Variants in ABLIM1 observed in about 807,000 individuals in gnomAD.
ABLIM1 encodes actin-binding LIM protein 1.
In ABLIM1, 40 loss-of-function variants were observed where a neutral mutation model predicts 107.0. The ratio of observed to expected loss-of-function variants is 0.37; its 90% CI spans 0.29 to 0.49. ABLIM1 has a LOEUF of 0.49. ABLIM1 is among the 20% of genes least tolerant of loss of function. ABLIM1 has a pLI of 0.97. For synonymous variants in ABLIM1, 357 were observed against 357.3 expected, an observed-to-expected ratio of 1.00 and a Z score of 0.01; for missense variants, 857 against 1,008.5, an observed-to-expected ratio of 0.85 and a Z score of 2.04.
rs754281771 is a variant in ABLIM1 at position 114,445,343 on chromosome 10, C to T, written c.1796G>A (p.Arg599His). The change falls in exon 16 of 23, where the codon CGT becomes CAT. Residue 599 changes from arginine (R) to histidine (H), a missense_variant. Coordinates refer to ENST00000533213, the MANE Select transcript of ABLIM1 (RefSeq NM_002313.7). ...REEDDEELLR[R>H]RQLQEEQLMK... is the part of the protein sequence containing the mutation. ...TAATTGCTCTTCTTGAAGCTGCCGACGTCTCAGAAGTTCCTCATCATCTTC... is the reference window on the plus strand; with the variant it reads ...TAATTGCTCTTCTTGAAGCTGCCGATGTCTCAGAAGTTCCTCATCATCTTC... 19 of 1,614,176 alleles carry T rather than the reference C, an allele frequency of 1.2e-5. No individual in the cohort carries two copies. Among genetic ancestry groups the T allele is most frequent in the Non-Finnish European group, 1.3e-5 (15 of 1,180,018 alleles).
chr10:114,555,641 C>T (rs759844291), intron 4 of ABLIM1, among the ~76,000 whole-genome samples: 1 of 152,126 alleles, frequency 6.6e-6, no homozygotes. Context: ...TAGGGAGAAA[C>T]TTTATGCATC....
At chr10:114,489,112 G>A (rs2058589563) in intron 7 of ABLIM1, among the ~76,000 whole-genome samples, 1 of 152,054 alleles carries the variant, frequency 6.6e-6, no homozygotes, top group Non-Finnish European at 1.5e-5. Context: ...CTGCCTCTCA[G>A]GTTCAAGCGA....
intron 1 of ABLIM1, among the ~76,000 whole-genome samples, chr10:114,679,060 A>C (rs2080620906): frequency 6.6e-6 from 1 of 152,234 alleles, no homozygotes; most frequent in Non-Finnish European, 1.5e-5. Flanking sequence ...TATAGAATAA[A>C]GAAGTGACAG....
At chr10:114,475,196 G>A (rs145029212) in intron 8 of ABLIM1, among the ~76,000 whole-genome samples, 22 of 152,164 alleles carry the variant, frequency 1.4e-4, no homozygotes, top group East Asian at 9.6e-4. Context: ...AGAACACAGC[G>A]CACAAAGCTG....
chr10:114,543,142 A>G (rs180887594), intron 6 of ABLIM1, among the ~76,000 whole-genome samples: 1 of 152,276 alleles, frequency 6.6e-6, no homozygotes, highest in East Asian at 1.9e-4. Context: ...CTTCCCAGCC[A>G]TTTAAAAAAC....
intron 6 of ABLIM1, among the ~76,000 whole-genome samples, chr10:114,524,642 G>C (rs2064349549): frequency 6.6e-6 from 1 of 152,070 alleles, no homozygotes; most frequent in Non-Finnish European, 1.5e-5. Context: ...GTAACTATTT[G>C]CTTTATAAAA....
intron 8 of ABLIM1, among the ~76,000 whole-genome samples, chr10:114,478,688 C>T (rs914644317): frequency 6.6e-6 from 1 of 152,170 alleles, no homozygotes; most frequent in African/African-American, 2.4e-5. Context: ...TCAATTAAAC[C>T]TCTTTTCTTT....
chr10:114,610,666 C>G (rs1022455538), intron 1 of ABLIM1: 27 of 152,358 alleles, frequency 1.8e-4, no homozygotes, highest in African/African-American at 6.5e-4. Context: ...GTGGCAGCTA[C>G]TTGAAGCTAC....
Position 114,524,159 on chromosome 10 carries a change from A to G in ABLIM1, c.894+20846T>C, listed in dbSNP as rs145252185. On this transcript the variant is annotated intron_variant, in intron 6 of 22. Coordinates refer to ENST00000533213, the MANE Select transcript of ABLIM1 (RefSeq NM_002313.7). Reference sequence around the variant, plus strand: ...ACCACTAAGCACTATGCAGTGGTACATCTCATCTGGTTTGGGTGGTGGTGG... The same window carrying G: ...ACCACTAAGCACTATGCAGTGGTACGTCTCATCTGGTTTGGGTGGTGGTGG... Among the ~76,000 whole-genome samples, 204 of 152,344 alleles carry G rather than the reference A, an allele frequency of 1.3e-3. 3 individuals are homozygous for G. Among genetic ancestry groups the G allele is most frequent in the African/African-American group, 4.8e-3 (198 of 41,580 alleles).
intron 1 of ABLIM1, among the ~76,000 whole-genome samples, chr10:114,677,000 G>C (rs1290673232): frequency 6.6e-6 from 1 of 152,148 alleles, no homozygotes; most frequent in Non-Finnish European, 1.5e-5. Flanking sequence ...GCCTCCCAAA[G>C]TGCTGGGATT....
At chr10:114,740,517 A>G (rs942847422) in intron 1 of ABLIM1, among the ~76,000 whole-genome samples, 4 of 152,030 alleles carry the variant, frequency 2.6e-5, no homozygotes, top group African/African-American at 9.6e-5. Context: ...ACTCCTTCAC[A>G]TCCTCCTAGG....
At chr10:114,534,637 G>C (rs1010339977) in intron 6 of ABLIM1, among the ~76,000 whole-genome samples, 1 of 151,942 alleles carries the variant, frequency 6.6e-6, no homozygotes, top group African/African-American at 2.4e-5. Flanking sequence ...ACCCGCCGCC[G>C]CCACCCCGCC....
chr10:114,712,706 T>C (rs1210536712), intron 1 of ABLIM1, among the ~76,000 whole-genome samples: 3 of 152,202 alleles, frequency 2.0e-5, no homozygotes, highest in Non-Finnish European at 2.9e-5. Context: ...AAACTTTCAG[T>C]GGTATATAGA....
intron 1 of ABLIM1, among the ~76,000 whole-genome samples, chr10:114,745,194 A>G (rs1222970964): frequency 2.6e-5 from 4 of 152,150 alleles, no homozygotes; most frequent in Non-Finnish European, 5.9e-5. Context: ...CATCACTGAA[A>G]AAGAGTCTAT....
intron 6 of ABLIM1, among the ~76,000 whole-genome samples, chr10:114,502,927 T>C (rs1371426814): frequency 6.6e-6 from 1 of 152,208 alleles, no homozygotes; most frequent in Non-Finnish European, 1.5e-5. Context: ...CTTCCAATGA[T>C]GACTATGCCT....
intron 1 of ABLIM1, among the ~76,000 whole-genome samples, chr10:114,611,773 A>T (rs921742860): frequency 4.6e-5 from 7 of 152,214 alleles, no homozygotes; most frequent in African/African-American, 1.4e-4. Context: ...AAGGGATTTT[A>T]AAATTGGCTT....
chr10:114,777,471 C>T, the ABLIM1 span, among the ~76,000 whole-genome samples: 1 of 152,152 alleles, frequency 6.6e-6, no homozygotes, highest in African/African-American at 2.4e-5. Context: ...TTTCCTGCCC[C>T]TTCACAAATT....
intron 8 of ABLIM1, 100 bp downstream of exon 8, chr10:114,487,858 G>C: frequency 6.8e-6 from 10 of 1,461,274 alleles, no homozygotes; most frequent in Non-Finnish European, 9.6e-6. Context: ...GAAAAAGTCA[G>C]TAAAAAGTAA....
At chr10:114,732,691 G>T (rs2082100955) in intron 1 of ABLIM1, among the ~76,000 whole-genome samples, 1 of 151,776 alleles carries the variant, frequency 6.6e-6, no homozygotes. Flanking sequence ...TTTTAGTTAT[G>T]CTACCATGGT....
Sources: allele counts gnomAD v4.1 joint callset (sites outside exome capture counted in the v4.1 genomes callset), GRCh38; gene constraint gnomAD v4.1.1; transcripts MANE v1.5; gene names NCBI Gene and HGNC (gene_info 2026-07-23, HGNC 2026-07-21).